SEC23A: variants seen among roughly 807,000 people sequenced by gnomAD.
The protein encoded by SEC23A is SEC23 homolog A, COPII component.
SEC23A carries 56 observed loss-of-function variants against 103.7 expected under a neutral mutation model. The observed-to-expected ratio is 0.54, with a 90% CI of 0.44 to 0.67. SEC23A has a LOEUF of 0.67. SEC23A is among the 30% of genes least tolerant of loss of function. SEC23A has a pLI of 0.00. For synonymous variants in SEC23A, 281 were observed against 293.0 expected (o/e 0.96, Z 0.42); for missense variants, 784 against 936.4 (o/e 0.84, Z 2.12).
chr14:39,058,869 C>T (rs1056754645), intron 13 of SEC23A, among the ~76,000 whole-genome samples: 2 of 152,132 alleles, frequency 1.3e-5, no homozygotes, highest in African/African-American at 2.4e-5. Flanking sequence ...TAAAACAACA[C>T]TGTTTGAATC....
rs533863704 is a variant in SEC23A at position 39,079,151 on chromosome 14, T to C, written c.829-3058A>G. Among the ~76,000 whole-genome samples the C allele has an allele frequency of 5.9e-5, 9 of 152,268 alleles. No individual in the cohort carries two copies. In the South Asian group the frequency reaches 1.9e-3, roughly 32 times the overall value. On this transcript the variant is annotated intron_variant, in intron 7 of 19. Transcript: ENST00000307712. ...GACTTGAATTTCCAAGTGAAGACTA[T>C]TTTGAAACTAGAATTCTATAGCCAC...
At chr14:39,080,135 G>GA (rs1036572683) in intron 7 of SEC23A, among the ~76,000 whole-genome samples, 8 of 151,644 alleles carry the variant, frequency 5.3e-5, no homozygotes, top group Non-Finnish European at 7.4e-5. Context: ...CAACTGGAGG[G>GA]AAAAAAAAGC....
At chr14:39,063,229 T>C (rs779088411) in intron 12 of SEC23A, 95 bp downstream of exon 12, 1 of 770,398 alleles carries the variant, frequency 1.3e-6, no homozygotes. Flanking sequence ...TTATATCTAC[T>C]ATAGGAAAAA....
intron 13 of SEC23A, among the ~76,000 whole-genome samples, chr14:39,060,334 T>C (rs949959093): frequency 1.3e-5 from 2 of 152,296 alleles, no homozygotes; most frequent in Non-Finnish European, 1.5e-5. Flanking sequence ...TGCTAAGTAA[T>C]AGATCACCCA....
At chr14:39,080,567 G>A (rs1448300196) in intron 7 of SEC23A, among the ~76,000 whole-genome samples, 3 of 151,952 alleles carry the variant, frequency 2.0e-5, no homozygotes, top group African/African-American at 2.4e-5. Context: ...CACCGCCCCC[G>A]GCTAATTTTT....
At chr14:39,098,067 C>A (rs144560892) in intron 1 of SEC23A, among the ~76,000 whole-genome samples, 1 of 150,218 alleles carries the variant, frequency 6.7e-6, no homozygotes, top group African/African-American at 2.5e-5. Context: ...CCAGCCTGGG[C>A]GACAGAACAA....
chr14:39,058,509 T>C (rs1490184285), intron 13 of SEC23A, among the ~76,000 whole-genome samples: 1 of 152,012 alleles, frequency 6.6e-6, no homozygotes, highest in African/African-American at 2.4e-5. Context: ...GGGTTTCACC[T>C]TGTTAGCCAG....
At chr14:39,089,530 C>T (rs541472121) in intron 5 of SEC23A, among the ~76,000 whole-genome samples, 10 of 152,334 alleles carry the variant, frequency 6.6e-5, no homozygotes, top group African/African-American at 2.4e-4. Context: ...TTCCTCATCT[C>T]ACTCTTGCTT....
At chr14:39,063,124 C>T (rs1886534860) in intron 12 of SEC23A, among the ~76,000 whole-genome samples, 200 bp downstream of exon 12, 2 of 151,920 alleles carry the variant, frequency 1.3e-5, no homozygotes, top group African/African-American at 4.8e-5. Flanking sequence ...GGTTTCCCTG[C>T]ATTTCTATTA....
intron 17 of SEC23A, among the ~76,000 whole-genome samples, 170 bp downstream of exon 17, chr14:39,042,616 C>A (rs961706449): frequency 1.3e-5 from 2 of 152,104 alleles, no homozygotes; most frequent in African/African-American, 4.8e-5. Flanking sequence ...GGGTCAACTG[C>A]AATTGAAGCC....
chr14:39,052,501 A>C (rs1886101587), intron 14 of SEC23A, among the ~76,000 whole-genome samples: 1 of 152,192 alleles, frequency 6.6e-6, no homozygotes, highest in Non-Finnish European at 1.5e-5. Flanking sequence ...AAGGAAAATC[A>C]GTAGGTTTTA....
chr14:39,078,187 C>T (rs900260232), intron 7 of SEC23A, among the ~76,000 whole-genome samples: 34 of 151,782 alleles, frequency 2.2e-4, no homozygotes, highest in African/African-American at 6.8e-4. Context: ...CCCAGGAGTT[C>T]GATGCTGCAG....
chr14:39,066,814 C>T (rs1886682828), intron 10 of SEC23A, among the ~76,000 whole-genome samples: 1 of 152,040 alleles, frequency 6.6e-6, no homozygotes, highest in African/African-American at 2.4e-5. Flanking sequence ...AGTGAGACAA[C>T]ATCATGCCAC....
At chr14:39,093,058 G>A (rs997575848) in intron 3 of SEC23A, 129 bp downstream of exon 3, 20 of 648,964 alleles carry the variant, frequency 3.1e-5, no homozygotes, top group African/African-American at 1.9e-4. Flanking sequence ...TAGTAGAGAC[G>A]GGGTTTCACT....
intron 7 of SEC23A, among the ~76,000 whole-genome samples, chr14:39,083,044 CATTTTA>C (rs987022916): frequency 6.6e-6 from 1 of 152,094 alleles, no homozygotes; most frequent in African/African-American, 2.4e-5. Flanking sequence ...TCAGTGTTAA[CATTTTA>C]ATTTTAATAG....
intron 14 of SEC23A, among the ~76,000 whole-genome samples, chr14:39,050,836 G>A (rs1886031779): frequency 7.8e-6 from 1 of 128,536 alleles, no homozygotes; most frequent in South Asian, 2.6e-4. Flanking sequence ...AGAAAGAGAT[G>A]AACAGATCCC....
rs533266391 is a variant in SEC23A at position 39,091,386 on chromosome 14, A to G, written c.603+91T>C. On this transcript the variant is annotated intron_variant, in intron 5 of 19. Coordinates refer to ENST00000307712, the MANE Select transcript of SEC23A (RefSeq NM_006364.4). ...TACAATTATATTAGTTATTCATAAT[A>G]AAAATTTGTCCTAGAAACATACAGA... is the stretch of plus-strand genomic sequence containing the variant. The G allele has an allele frequency of 1.3e-4, 115 of 862,980 alleles. No individual in the cohort carries two copies. The African/African-American group carries it at 1.7e-3, about 13-fold the overall frequency. 53.5% of individuals were successfully genotyped at this position (862,980 alleles called of 1,614,324 possible).
intron 16 of SEC23A, among the ~76,000 whole-genome samples, chr14:39,044,036 G>A (rs905130645): frequency 6.6e-6 from 1 of 152,152 alleles, no homozygotes; most frequent in African/African-American, 2.4e-5. Context: ...TTGGCCGTTT[G>A]TTATAAACCT....
At chr14:39,083,563 C>CTTTCTTTTTT (rs1887308287) in intron 7 of SEC23A, among the ~76,000 whole-genome samples, 1 of 91,818 alleles carries the variant, frequency 1.1e-5, no homozygotes, top group African/African-American at 4.1e-5. Flanking sequence ...AATAAACTTT[C>CTTTCTTTTTT]TTTTTTTTTT....
Sources: allele counts gnomAD v4.1 joint callset (sites outside exome capture counted in the v4.1 genomes callset), GRCh38; gene constraint gnomAD v4.1.1; transcripts MANE v1.5; gene names NCBI Gene and HGNC (gene_info 2026-07-23, HGNC 2026-07-21).